SIL1: variants seen among roughly 807,000 people sequenced by gnomAD.
The protein encoded by SIL1 is nucleotide exchange factor SIL1.
In SIL1, 40 loss-of-function variants were observed where a neutral mutation model predicts 49.1. That is an observed-to-expected ratio of 0.81 (90% CI 0.63 to 1.06). The LOEUF (loss-of-function observed/expected upper bound fraction) is 1.06, where lower values mean the gene tolerates loss of function less well. Ranked by LOEUF, SIL1 falls within the 50% of genes least tolerant of loss-of-function variation. The probability of loss-of-function intolerance (pLI) is 0.00; values close to 1 mark genes in which losing one functional copy is unlikely to be tolerated. For missense variants in SIL1, 500 were observed against 572.6 expected, an observed-to-expected ratio of 0.87 and a Z score of 1.29; for synonymous variants, 253 against 250.8, an observed-to-expected ratio of 1.01 and a Z score of -0.08.
At chr5:139,023,271 G>GTCCACAGC (rs1404854979) in intron 6 of SIL1, among the ~76,000 whole-genome samples, 5 of 152,136 alleles carry the variant, frequency 3.3e-5, no homozygotes, top group Admixed American at 6.5e-5. Context: ...CATAGCCCAG[G>GTCCACAGC]TCCACAGCTC....
intron 1 of SIL1, among the ~76,000 whole-genome samples, chr5:139,137,978 G>A (rs906407400): frequency 6.6e-6 from 1 of 151,542 alleles, no homozygotes; most frequent in African/African-American, 2.4e-5. Flanking sequence ...CCAAGGCATA[G>A]GCACAGGCAT....
At chr5:139,153,866 A>G (rs1452780826) in intron 1 of SIL1, among the ~76,000 whole-genome samples, 1 of 152,142 alleles carries the variant, frequency 6.6e-6, no homozygotes, top group Non-Finnish European at 1.5e-5. Context: ...TTTCCACAGT[A>G]CCCCAAGCTA....
At chr5:139,031,782 A>C (rs536713984) in intron 5 of SIL1, among the ~76,000 whole-genome samples, 38 of 152,314 alleles carry the variant, frequency 2.5e-4, no homozygotes, top group African/African-American at 7.2e-4. Context: ...TAACTCCATC[A>C]TCATCTTTCA....
chr5:139,042,655 C>A lies in SIL1; in HGVS notation c.418G>T (p.Glu140Ter). 1 of 1,614,140 alleles carries A rather than the reference C, an allele frequency of 6.2e-7. No homozygotes were observed. The highest frequency in any genetic ancestry group is 8.5e-7 in the Non-Finnish European group (1 of 1,180,036). ...TTTGAACTCTCCATCTCTGCCCCCT[C>A]CTTGAATTTTGCCAGTGCACTCTTG... ...DLKSALAKFK[E>*]GAEMESSKED... Residue 140 changes from glutamate (E) to a stop codon, truncating the protein, a stop_gained, in exon 5 of 10, where the codon GAG (glutamate) becomes TAG (stop). Coordinates refer to ENST00000394817, the MANE Select transcript of SIL1 (RefSeq NM_022464.5). LOFTEE classifies it high-confidence loss of function.
chr5:139,191,633 A>T (rs1228125659), intron 1 of SIL1, among the ~76,000 whole-genome samples: 1 of 151,988 alleles, frequency 6.6e-6, no homozygotes, highest in Non-Finnish European at 1.5e-5. Context: ...AAAAAAAAAA[A>T]AAATTAAATT....
intron 1 of SIL1, among the ~76,000 whole-genome samples, chr5:139,176,084 AC>A (rs1267468251): frequency 6.6e-6 from 1 of 152,094 alleles, no homozygotes; most frequent in African/African-American, 2.4e-5. Flanking sequence ...CAGTCTCAAA[AC>A]CCTGGTCTCA....
intron 3 of SIL1, among the ~76,000 whole-genome samples, chr5:139,100,645 G>A (rs575433425): frequency 1.3e-5 from 2 of 152,270 alleles, no homozygotes; most frequent in African/African-American, 2.4e-5. Context: ...GTGATCACAC[G>A]GGTGATGAGA....
At chr5:139,168,303 G>GC (rs1751664331) in intron 1 of SIL1, among the ~76,000 whole-genome samples, 1 of 152,210 alleles carries the variant, frequency 6.6e-6, no homozygotes, top group Non-Finnish European at 1.5e-5. Flanking sequence ...CTGAAGCCTT[G>GC]CAACTTCCAG....
chr5:139,183,676 C>T (rs1317616518), intron 1 of SIL1, among the ~76,000 whole-genome samples: 1 of 152,200 alleles, frequency 6.6e-6, no homozygotes, highest in Non-Finnish European at 1.5e-5. Flanking sequence ...GCGGATGATT[C>T]ACCCAGGTGC....
intron 7 of SIL1, among the ~76,000 whole-genome samples, chr5:139,002,165 A>G (rs10075039): frequency 0.44 from 65,964 of 151,282 alleles, 15,625 homozygotes; most frequent in African/African-American, 0.64. Context: ...AACCAAGATC[A>G]TGCCACTGCA....
intron 3 of SIL1, among the ~76,000 whole-genome samples, chr5:139,107,369 A>G (rs1770741097): frequency 6.6e-6 from 1 of 152,224 alleles, no homozygotes; most frequent in Non-Finnish European, 1.5e-5. Context: ...ATTTTGAAAC[A>G]ATTTTAGACT....
chr5:139,130,547 C>A (rs1246815988), intron 1 of SIL1, among the ~76,000 whole-genome samples: 1 of 152,088 alleles, frequency 6.6e-6, no homozygotes, highest in East Asian at 1.9e-4. Context: ...TAAAACAGTG[C>A]AGCCACTTGG....
At chr5:138,977,249 C>T (rs1767413582) in intron 7 of SIL1, among the ~76,000 whole-genome samples, 1 of 152,178 alleles carries the variant, frequency 6.6e-6, no homozygotes, top group Non-Finnish European at 1.5e-5. Context: ...AGCTTTCTGA[C>T]TCTATATCCT....
At chr5:139,183,329 A>G (rs1468789374) in intron 1 of SIL1, among the ~76,000 whole-genome samples, 1 of 152,234 alleles carries the variant, frequency 6.6e-6, no homozygotes, top group African/African-American at 2.4e-5. Context: ...TAGGACTAAC[A>G]GAAGTAAAAA....
chr5:138,996,571 G>C (rs1305075571), intron 7 of SIL1, among the ~76,000 whole-genome samples: 1 of 142,654 alleles, frequency 7.0e-6, no homozygotes, highest in African/African-American at 2.7e-5. Flanking sequence ...CCAGGCTGGA[G>C]TGCAGTGGTG....
At chr5:139,126,061 C>G (rs938534020) in intron 2 of SIL1, among the ~76,000 whole-genome samples, 1 of 152,204 alleles carries the variant, frequency 6.6e-6, no homozygotes, top group African/African-American at 2.4e-5. Flanking sequence ...ATAACCACCT[C>G]CACCCCATTT....
At chr5:139,053,234 C>T (rs1769331758) in intron 3 of SIL1, among the ~76,000 whole-genome samples, 1 of 152,146 alleles carries the variant, frequency 6.6e-6, no homozygotes, top group African/African-American at 2.4e-5. Flanking sequence ...TAGTCTCTTC[C>T]TGGATGAATG....
At chr5:139,122,458 G>A (rs766756254) in intron 2 of SIL1, among the ~76,000 whole-genome samples, 4 of 151,988 alleles carry the variant, frequency 2.6e-5, no homozygotes, top group African/African-American at 4.8e-5. Context: ...AGCCAGGTGT[G>A]GTGGTGTATG....
chr5:139,171,572 A>C (rs954337266), intron 1 of SIL1, among the ~76,000 whole-genome samples: 2 of 152,028 alleles, frequency 1.3e-5, no homozygotes, highest in Admixed American at 6.6e-5. Flanking sequence ...GCGGAAGGCC[A>C]CAGGGTCCTC....
Sources: allele counts gnomAD v4.1 joint callset (sites outside exome capture counted in the v4.1 genomes callset), GRCh38; gene constraint gnomAD v4.1.1; transcripts MANE v1.5; gene names NCBI Gene and HGNC (gene_info 2026-07-23, HGNC 2026-07-21).